Variants in TDRD12 observed in about 807,000 individuals in gnomAD.
TDRD12 encodes the protein tudor domain containing 12.
A neutral mutation model predicts 133.5 loss-of-function variants in TDRD12; 158 were observed. The observed-to-expected ratio is 1.18, with a 90% CI of 1.04 to 1.35. The LOEUF (loss-of-function observed/expected upper bound fraction) is 1.35. Ranked by LOEUF, TDRD12 falls within the 40% of genes most tolerant of loss-of-function variation. The pLI is 0.00. For missense variants in TDRD12, 1,443 were observed against 1,321.3 expected, an observed-to-expected ratio of 1.09 and a Z score of -1.43; for synonymous variants, 460 against 477.9, an observed-to-expected ratio of 0.96 and a Z score of 0.49.
At chr19:32,756,974 AG>A in intron 7 of TDRD12, 63 bp from the exon 8 acceptor site, 1 of 1,328,014 alleles carries the variant, frequency 7.5e-7, no homozygotes, top group East Asian at 2.5e-5. Context: ...TGTACTAACG[AG>A]TTCACATTTT....
chr19:32,728,712 C>A (rs1390158285), intron 1 of TDRD12, among the ~76,000 whole-genome samples: 1 of 143,630 alleles, frequency 7.0e-6, no homozygotes, highest in African/African-American at 2.6e-5. Context: ...GTGGCGCGAT[C>A]TTGGTTCACT....
intron 8 of TDRD12, among the ~76,000 whole-genome samples, chr19:32,763,869 GTC>G (rs1970219649): frequency 6.6e-6 from 1 of 152,150 alleles, no homozygotes; most frequent in Non-Finnish European, 1.5e-5. Context: ...CCATCTGTCA[GTC>G]TCTCCAGTGC....
chr19:32,762,874 G>GT (rs1168227734), intron 8 of TDRD12, among the ~76,000 whole-genome samples: 3 of 152,142 alleles, frequency 2.0e-5, no homozygotes, highest in Admixed American at 2.0e-4. Flanking sequence ...AACCTACATG[G>GT]TGCAGCCTAC....
At chr19:32,722,087 C>A (rs1968701350) in intron 1 of TDRD12, among the ~76,000 whole-genome samples, 1 of 152,144 alleles carries the variant, frequency 6.6e-6, no homozygotes, top group Non-Finnish European at 1.5e-5. Flanking sequence ...AACAAAGATT[C>A]ACAAATGTTT....
At chr19:32,792,401 TTC>T (rs1293975288) in intron 13 of TDRD12, among the ~76,000 whole-genome samples, 1 of 152,230 alleles carries the variant, frequency 6.6e-6, no homozygotes, top group Non-Finnish European at 1.5e-5. Flanking sequence ...GTAATGTTTT[TTC>T]TCTCTGGGGA....
intron 22 of TDRD12, among the ~76,000 whole-genome samples, chr19:32,808,273 A>G (rs2112918): frequency 0.39 from 59,942 of 151,924 alleles, 12,166 homozygotes; most frequent in African/African-American, 0.5. Context: ...CCCTTAGAGC[A>G]GTATCTGTTG....
chr19:32,821,253 A>G (rs887898887), exon 28 of TDRD12: 5 of 916,912 alleles, frequency 5.5e-6, no homozygotes, highest in South Asian at 1.7e-5. Flanking sequence ...ACATAAACTG[A>G]TATCACCTAA....
chr19:32,764,591 G>T (rs928027304), intron 8 of TDRD12, among the ~76,000 whole-genome samples: 7 of 152,180 alleles, frequency 4.6e-5, no homozygotes, highest in Non-Finnish European at 1.0e-4. Context: ...TTGTTGGTTA[G>T]AATGTTATAG....
chr19:32,737,494 C>T (rs1254628478), intron 2 of TDRD12, among the ~76,000 whole-genome samples: 2 of 152,044 alleles, frequency 1.3e-5, no homozygotes, highest in East Asian at 1.9e-4. Flanking sequence ...CGTGAACCAC[C>T]ATGCCTGGCC....
At position 32,751,934 on chromosome 19, in the gene TDRD12, C is replaced by T. The variant is rs537171149; in HGVS notation, c.582+2065C>T. ...TGTTGCCCAGGCTGGAGTGCAGTGG[C>T]GCAATCTCAGCTCACTGCAACCTCT... On this transcript the variant is annotated intron_variant, in intron 6 of 27. Transcript: ENST00000444215. 2.4e-4 allele frequency among the ~76,000 whole-genome samples: 36 copies of T among 151,674 alleles called. 1 individual carries two copies. The highest frequency in any genetic ancestry group is 6.8e-3 in the Middle Eastern group (2 of 292).
At chr19:32,775,852 A>G (rs1440402344) in intron 10 of TDRD12, among the ~76,000 whole-genome samples, 3 of 151,898 alleles carry the variant, frequency 2.0e-5, no homozygotes, top group Non-Finnish European at 4.4e-5. Context: ...GTGCTGAGTA[A>G]CTTTGGACTC....
At chr19:32,825,430 C>T (rs1419093401), downstream of TDRD12, among the ~76,000 whole-genome samples, 2 of 152,146 alleles carry the variant, frequency 1.3e-5, no homozygotes, top group Non-Finnish European at 2.9e-5. This position sits in a 1 kb window ranked among gnomAD's most constrained non-coding sequence, Gnocchi z 4.1. Flanking sequence ...GCGTGCTGGC[C>T]GCTGTCCTTA....
chr19:32,763,827 T>C (rs1281873904), intron 8 of TDRD12, among the ~76,000 whole-genome samples: 1 of 152,176 alleles, frequency 6.6e-6, no homozygotes, highest in Non-Finnish European at 1.5e-5. Context: ...TTATTCTGGG[T>C]TTCTGCCCCT....
At chr19:32,814,249 T>C (rs1347042901) in intron 25 of TDRD12, among the ~76,000 whole-genome samples, 1 of 152,060 alleles carries the variant, frequency 6.6e-6, no homozygotes, top group African/African-American at 2.4e-5. Context: ...GGAGGACACA[T>C]GACAAGGACA....
At chr19:32,729,794 T>G (rs1426756456) in intron 1 of TDRD12, among the ~76,000 whole-genome samples, 131 of 125,708 alleles carry the variant, frequency 1.0e-3, no homozygotes, top group Middle Eastern at 7.5e-3. Context: ...TTTTTTTTTT[T>G]TTTTTTTTTT....
intron 21 of TDRD12, among the ~76,000 whole-genome samples, chr19:32,807,267 TAAAAAAAAAAAAAA>T (rs59421213): frequency 3.6e-4 from 17 of 47,208 alleles, no homozygotes; most frequent in Admixed American, 2.4e-3. Flanking sequence ...ACCAAACTCT[TAAAAAAAAAAAAAA>T]AAAAAAAAAA....
At chr19:32,745,198 G>C (rs1279716458) in intron 4 of TDRD12, among the ~76,000 whole-genome samples, 2 of 152,212 alleles carry the variant, frequency 1.3e-5, no homozygotes, top group Non-Finnish European at 2.9e-5. Flanking sequence ...GGGCCCCTGT[G>C]TGTGCAACCC....
rs562596158 is a variant in TDRD12, at chr19:32,799,459, C to A, written c.1759-708C>A. Among the ~76,000 whole-genome samples, 10 of 152,194 alleles carry A rather than the reference C, an allele frequency of 6.6e-5. No homozygotes were observed. The South Asian group carries it at 2.1e-3, about 32-fold the overall frequency. On this transcript the variant is annotated intron_variant, in intron 16 of 27. Transcript: ENST00000444215. ...ATCTTGTCAGCCTAATTTACATTTC[C>A]TTGATTATTTTTTAGGTTGAACATT...
intron 11 of TDRD12, among the ~76,000 whole-genome samples, chr19:32,786,185 A>G (rs1045358812): frequency 1.8e-4 from 28 of 152,172 alleles, no homozygotes; most frequent in African/African-American, 6.8e-4. Context: ...TTCTTTACTT[A>G]TGAAGCTTAA....
Sources: gnomAD v4.1 joint callset for allele counts (sites outside exome capture counted in the v4.1 genomes callset) on GRCh38, gnomAD v4.1.1 for gene constraint, Gnocchi (gnomAD v3.1) non-coding constraint, MANE v1.5 for transcripts, NCBI Gene and HGNC (gene_info 2026-07-23, HGNC 2026-07-21) for gene names.